The following CRPPA variants were observed in gnomAD, a reference collection of about 807,000 sequenced individuals.
The protein encoded by CRPPA is D-ribitol-5-phosphate cytidylyltransferase.
Under a neutral mutation model 52.0 loss-of-function variants are expected in CRPPA, and 43 were observed. That is an observed-to-expected ratio of 0.83 (90% CI 0.65 to 1.07). The LOEUF (loss-of-function observed/expected upper bound fraction) is 1.07. CRPPA is among the 50% of genes least tolerant of loss of function. The pLI is 0.00. For synonymous variants in CRPPA, 250 were observed against 203.5 expected, an observed-to-expected ratio of 1.23 and a Z score of -1.94; for missense variants, 629 against 551.7, an observed-to-expected ratio of 1.14 and a Z score of -1.40.
At chr7:16,358,049 C>T (rs1369320776) in intron 3 of CRPPA, among the ~76,000 whole-genome samples, 2 of 152,210 alleles carry the variant, frequency 1.3e-5, no homozygotes, top group Non-Finnish European at 2.9e-5. Context: ...CAAAATGAGG[C>T]TGGCAGGCAC....
intron 2 of CRPPA, among the ~76,000 whole-genome samples, chr7:16,396,478 T>A (rs1787572014): frequency 6.6e-6 from 1 of 152,206 alleles, no homozygotes; most frequent in Non-Finnish European, 1.5e-5. Flanking sequence ...TGAGAATATA[T>A]AATAGTACAA....
rs1782703377 is a variant in CRPPA, at chr7:16,132,765, A to T, written c.1252-40966T>A. ...CATTGTAGCCTAGAAATACCAAAAA[A>T]ATAAAAAGTTAGGTATGTCATGAAT... On this transcript the variant is annotated intron_variant, in intron 9 of 9. Transcript: ENST00000407010. 1.6e-5 allele frequency among the ~76,000 whole-genome samples: 2 copies of T among 125,062 alleles called. 1 individual carries two copies. Among genetic ancestry groups the T allele is most frequent in the African/African-American group, 5.2e-5 (2 of 38,528 alleles). 82.0% of individuals were successfully genotyped at this position (125,062 alleles called of 152,430 possible).
At chr7:16,265,575 G>A (rs1175030984) in intron 6 of CRPPA, among the ~76,000 whole-genome samples, 5 of 152,138 alleles carry the variant, frequency 3.3e-5, no homozygotes, top group Admixed American at 2.6e-4. Context: ...ATTCATCTTT[G>A]AATATATGTA....
At chr7:16,360,929 G>A in intron 3 of CRPPA, among the ~76,000 whole-genome samples, 1 of 151,992 alleles carries the variant, frequency 6.6e-6, no homozygotes, top group African/African-American at 2.4e-5. Context: ...AATAAAAAAA[G>A]CAATCTCTGG....
At chr7:16,298,021 T>C (rs1346040437) in intron 5 of CRPPA, among the ~76,000 whole-genome samples, 3 of 152,350 alleles carry the variant, frequency 2.0e-5, no homozygotes, top group Non-Finnish European at 2.9e-5. Context: ...TCTCATAGTA[T>C]GCTATATGCT....
At chr7:16,318,978 T>C (rs1016522418) in intron 3 of CRPPA, among the ~76,000 whole-genome samples, 2 of 152,180 alleles carry the variant, frequency 1.3e-5, no homozygotes, top group African/African-American at 4.8e-5. Flanking sequence ...TTGGCTATCA[T>C]CCACAGAAGA....
chr7:16,183,501 T>C (rs1174963504), intron 9 of CRPPA, among the ~76,000 whole-genome samples: 1 of 152,186 alleles, frequency 6.6e-6, no homozygotes, highest in Non-Finnish European at 1.5e-5. Context: ...AGGATTAGCA[T>C]TTCTTTGGAT....
At chr7:16,100,985 C>T (rs189023011) in intron 9 of CRPPA, among the ~76,000 whole-genome samples, 2 of 152,278 alleles carry the variant, frequency 1.3e-5, no homozygotes, top group African/African-American at 4.8e-5. Context: ...AACAGCCTTG[C>T]ATCCCAGGGA....
At chr7:16,332,211 T>C (rs187937146) in intron 3 of CRPPA, among the ~76,000 whole-genome samples, 42 of 152,278 alleles carry the variant, frequency 2.8e-4, no homozygotes, top group African/African-American at 7.2e-4. Flanking sequence ...CTTCTGAAAC[T>C]ATACTTCAAA....
At chr7:16,145,474 C>T (rs1782957189) in intron 9 of CRPPA, among the ~76,000 whole-genome samples, 1 of 152,100 alleles carries the variant, frequency 6.6e-6, no homozygotes, top group South Asian at 2.1e-4. Flanking sequence ...AATAAACCCT[C>T]AGTAACCAAT....
chr7:16,124,076 G>T (rs1441279119), intron 9 of CRPPA, among the ~76,000 whole-genome samples: 2 of 150,182 alleles, frequency 1.3e-5, no homozygotes, highest in Admixed American at 6.6e-5. Context: ...CCAGTAGTTG[G>T]ATTGCTGGAT....
Position 16,089,381 on chromosome 7 carries a change from C to T in CRPPA, c.*2314G>A, listed in dbSNP as rs906875365. On this transcript the variant is annotated 3_prime_UTR_variant, in exon 10 of 10. Transcript: ENST00000407010. Reference sequence around the variant, plus strand: ...ATACATACATGCATGTACATATATACGTATATATGTATGTACATAATGTGT... The same window carrying T: ...ATACATACATGCATGTACATATATATGTATATATGTATGTACATAATGTGT... 8 of 258,762 alleles carry T rather than the reference C, an allele frequency of 3.1e-5. No homozygotes were observed. The highest frequency in any genetic ancestry group is 9.0e-5 in the East Asian group (1 of 11,114). The allele number at this position is 258,762 out of a possible 1,614,324, so 16.0% of individuals were successfully genotyped here.
chr7:16,350,053 A>AT (rs1315339718), intron 3 of CRPPA, among the ~76,000 whole-genome samples: 1 of 151,952 alleles, frequency 6.6e-6, no homozygotes, highest in Non-Finnish European at 1.5e-5. Flanking sequence ...TGATCAGTGG[A>AT]TTTTTTTCTG....
chr7:16,387,062 T>TATATATATATATATATATATACAC (rs1787295240), intron 2 of CRPPA, among the ~76,000 whole-genome samples: 1 of 77,048 alleles, frequency 1.3e-5, no homozygotes, highest in Non-Finnish European at 2.4e-5. Flanking sequence ...TATATATATA[T>TATATATATATATATATATATACAC]ATATATATAT....
chr7:16,312,750 A>G (rs1338435180), intron 3 of CRPPA, among the ~76,000 whole-genome samples: 1 of 151,952 alleles, frequency 6.6e-6, no homozygotes, highest in Non-Finnish European at 1.5e-5. Context: ...AAATCAAGAA[A>G]GATCTCTATT....
intron 9 of CRPPA, among the ~76,000 whole-genome samples, chr7:16,169,854 A>C (rs1182838916): frequency 6.6e-6 from 1 of 152,224 alleles, no homozygotes; most frequent in Non-Finnish European, 1.5e-5. Context: ...AGATCCAGAA[A>C]ACAAGAAGCA....
At chr7:16,233,293 T>G (rs999396421) in intron 8 of CRPPA, among the ~76,000 whole-genome samples, 34 of 152,014 alleles carry the variant, frequency 2.2e-4, no homozygotes, top group African/African-American at 1.2e-4. Flanking sequence ...CTGAAGACAT[T>G]CCTAATTGAA....
chr7:16,215,306 A>C (rs1271809854), intron 9 of CRPPA, among the ~76,000 whole-genome samples: 1 of 152,238 alleles, frequency 6.6e-6, no homozygotes, highest in East Asian at 1.9e-4. Context: ...ACTCTAAAGT[A>C]GTCACAAATC....
intron 3 of CRPPA, among the ~76,000 whole-genome samples, chr7:16,368,161 T>C (rs1425139880): frequency 2.0e-5 from 3 of 152,236 alleles, no homozygotes; most frequent in African/African-American, 7.2e-5. Flanking sequence ...TTATTATTTT[T>C]CCTCAAATTG....
Sources: gnomAD v4.1 joint callset for allele counts (sites outside exome capture counted in the v4.1 genomes callset) on GRCh38, gnomAD v4.1.1 for gene constraint, MANE v1.5 for transcripts, NCBI Gene and HGNC (gene_info 2026-07-23, HGNC 2026-07-21) for gene names.